The following TTLL1 variants were observed in gnomAD, a reference collection of about 807,000 sequenced individuals.
TTLL1 encodes polyglutamylase complex subunit TTLL1.
Under a neutral mutation model 47.8 loss-of-function variants are expected in TTLL1, and 33 were observed. That is an observed-to-expected ratio of 0.69 (90% CI 0.52 to 0.92). The LOEUF (loss-of-function observed/expected upper bound fraction) is 0.92. Among genes scored for constraint, TTLL1 ranks in the 40% least tolerant of loss-of-function variants. The probability of loss-of-function intolerance (pLI) is 0.00; values close to 1 mark genes in which losing one functional copy is unlikely to be tolerated. For missense variants in TTLL1, 488 were observed against 547.5 expected, an observed-to-expected ratio of 0.89 and a Z score of 1.08; for synonymous variants, 225 against 214.1, an observed-to-expected ratio of 1.05 and a Z score of -0.45.
Position 43,061,039 on chromosome 22 carries a change from C to T in TTLL1, c.748-1512G>A, listed in dbSNP as rs114348076. Among the ~76,000 whole-genome samples the T allele has an allele frequency of 2.4e-3, 358 of 152,006 alleles. 2 individuals are homozygous for T. The highest frequency in any genetic ancestry group is 8.3e-3 in the African/African-American group (346 of 41,500). ...GGTGAAACCTCGTCTCTACTAAAAACCCCAGCCAGGTGTGGTGGCGTGCAC... is the reference window on the plus strand; with the variant it reads ...GGTGAAACCTCGTCTCTACTAAAAATCCCAGCCAGGTGTGGTGGCGTGCAC... On this transcript the variant is annotated intron_variant, in intron 7 of 10. Coordinates refer to ENST00000266254, the MANE Select transcript of TTLL1 (RefSeq NM_012263.5).
intron 10 of TTLL1, 189 bp from the exon 11 acceptor site, chr22:43,040,094 C>G: frequency 1.5e-6 from 1 of 660,224 alleles, no homozygotes; most frequent in South Asian, 1.9e-5. Flanking sequence ...CCAGGTGGCT[C>G]TCGCAGCCCA....
At chr22:43,042,578 C>T (rs1047134983) in intron 10 of TTLL1, among the ~76,000 whole-genome samples, 1 of 152,198 alleles carries the variant, frequency 6.6e-6, no homozygotes, top group Admixed American at 6.5e-5. Context: ...GCCTGGGGCA[C>T]GTGACCTCAT....
chr22:43,064,127 A>C, intron 6 of TTLL1, 63 bp downstream of exon 6: 2 of 1,584,150 alleles, frequency 1.3e-6, no homozygotes, highest in Non-Finnish European at 1.7e-6. Flanking sequence ...AATGGTGCTA[A>C]GAAGAAAGAC....
At chr22:43,070,164 G>A (rs1569438155) in intron 3 of TTLL1, 1 of 1,397,504 alleles carries the variant, frequency 7.2e-7, no homozygotes, top group Non-Finnish European at 9.5e-7. Flanking sequence ...ACAAATAAAA[G>A]ATATACCCTT....
intron 7 of TTLL1, 51 bp downstream of exon 7, chr22:43,063,762 G>A (rs758019439): frequency 1.4e-5 from 22 of 1,571,990 alleles, no homozygotes; most frequent in Admixed American, 6.7e-5. Flanking sequence ...CACCACACCC[G>A]GCCTGAAAGT....
chr22:43,064,822 G>A (rs535675247), intron 5 of TTLL1, among the ~76,000 whole-genome samples: 1 of 152,154 alleles, frequency 6.6e-6, no homozygotes, highest in African/African-American at 2.4e-5. Flanking sequence ...AGGATTTTGA[G>A]GGCAGTGAAA....
rs59420266 is a variant in TTLL1 at position 43,068,818 on chromosome 22, C to T, written c.323-228G>A. Among the ~76,000 whole-genome samples the T allele has an allele frequency of 2.2e-3, 335 of 152,262 alleles. 1 individual carries two copies. Among genetic ancestry groups the T allele is most frequent in the African/African-American group, 7.8e-3 (324 of 41,556 alleles). On this transcript the variant is annotated intron_variant, in intron 4 of 10. Coordinates refer to ENST00000266254, the MANE Select transcript of TTLL1 (RefSeq NM_012263.5). ...ACAAACCTGTATTTTTCAATCCCCACGGCCACCTGGGAGCTACTGTAAACC... is the reference window on the plus strand; with the variant it reads ...ACAAACCTGTATTTTTCAATCCCCATGGCCACCTGGGAGCTACTGTAAACC...
chr22:43,076,977 T>G (rs1928544554), intron 2 of TTLL1, among the ~76,000 whole-genome samples: 1 of 151,470 alleles, frequency 6.6e-6, no homozygotes, highest in Admixed American at 6.6e-5. Context: ...GGCAGGCGCC[T>G]GTAGTCCCAG....
intron 7 of TTLL1, among the ~76,000 whole-genome samples, chr22:43,061,911 G>A (rs985867279): frequency 1.3e-5 from 2 of 152,168 alleles, no homozygotes. Context: ...TCCAACCACT[G>A]GATAAGGGGC....
At chr22:43,071,566 C>T (rs1003896047) in intron 3 of TTLL1, among the ~76,000 whole-genome samples, 19 of 152,092 alleles carry the variant, frequency 1.2e-4, no homozygotes, top group African/African-American at 4.3e-4. Context: ...TGAACCACCA[C>T]ACACCGCTAA....
chr22:43,049,339 C>T (rs1326333730), intron 9 of TTLL1, among the ~76,000 whole-genome samples: 1 of 151,780 alleles, frequency 6.6e-6, no homozygotes, highest in Non-Finnish European at 1.5e-5. Flanking sequence ...GCCTGACCAA[C>T]ATGGAGAAAC....
chr22:43,075,900 C>G lies in TTLL1; in HGVS notation c.-4-310G>C, dbSNP rs146446597. On this transcript the variant is annotated intron_variant, in intron 2 of 10. Transcript: ENST00000266254. ...GTCAACTGTGCCAAGGCTGAGAAACCCTGGTCTGGTGGGAGATAGAGGCAG... is the reference window on the plus strand; with the variant it reads ...GTCAACTGTGCCAAGGCTGAGAAACGCTGGTCTGGTGGGAGATAGAGGCAG... 2.3e-3 allele frequency among the ~76,000 whole-genome samples: 354 copies of G among 152,304 alleles called. 3 individuals are homozygous for G. Among genetic ancestry groups the G allele is most frequent in the Non-Finnish European group, 3.1e-4 (21 of 68,018 alleles).
rs574317335 is a variant in TTLL1 at position 43,052,284 on chromosome 22, C to T, written c.892-397G>A. ...AACTGTCCACCAGGCTGCCCGTTAC[C>T]CCTTCCCAGGCCCTTAGGGATCCGG... On this transcript the variant is annotated intron_variant, in intron 8 of 10. Coordinates refer to ENST00000266254, the MANE Select transcript of TTLL1 (RefSeq NM_012263.5). The T allele has an allele frequency of 1.8e-5, 4 of 226,862 alleles. No individual in the cohort carries two copies. In the South Asian group the frequency reaches 3.2e-4, roughly 18 times the overall value. The allele number at this position is 226,862 out of a possible 1,614,324, so 14.1% of individuals were successfully genotyped here.
In TTLL1 at chr22:43,075,554, G is replaced by T. The variant is rs148475049; in HGVS notation, c.33C>A (p.Ile11=). ...AGTTATTGATCAGCACTGACTTCTC[G>T]ATATCAGTGACCCATTTTACTTTCC... is the stretch of plus-strand genomic sequence containing the variant. The part of the protein sequence containing the change: MAGKVKWVTD[I]EKSVLINNFE... The change falls in exon 3 of 11, where the codon ATC becomes ATA. Residue 11 remains isoleucine, a synonymous_variant. Transcript: ENST00000266254. The T allele has an allele frequency of 1.9e-6, 3 of 1,614,100 alleles. No individual in the cohort carries two copies. The highest frequency in any genetic ancestry group is 2.2e-5 in the East Asian group (1 of 44,874).
chr22:43,077,049 G>T (rs1029426094), intron 2 of TTLL1, among the ~76,000 whole-genome samples: 16 of 151,840 alleles, frequency 1.1e-4, no homozygotes, highest in African/African-American at 3.6e-4. Flanking sequence ...TGCAGTGAGC[G>T]GAGATCGCAC....
At chr22:43,045,260 T>A (rs11090136) in intron 10 of TTLL1, among the ~76,000 whole-genome samples, 16,551 of 152,110 alleles carry the variant, frequency 0.11, 1,651 homozygotes, top group East Asian at 0.3. Context: ...TTGTTCCCAC[T>A]TTCGTCACTA....
intron 10 of TTLL1, 91 bp downstream of exon 10, chr22:43,046,319 A>T (rs1160790876): frequency 2.8e-6 from 4 of 1,451,928 alleles, no homozygotes; most frequent in Non-Finnish European, 3.8e-6. Context: ...AAATAAGGAG[A>T]ATCCACATAT....
At chr22:43,087,297 G>A (rs1328747909) in intron 1 of TTLL1, among the ~76,000 whole-genome samples, 1 of 152,188 alleles carries the variant, frequency 6.6e-6, no homozygotes, top group Non-Finnish European at 1.5e-5. Flanking sequence ...GGCCAAGACA[G>A]GTGGATCACC....
At chr22:43,071,496 G>A (rs1173030504) in intron 3 of TTLL1, among the ~76,000 whole-genome samples, 1 of 152,120 alleles carries the variant, frequency 6.6e-6, no homozygotes, top group Non-Finnish European at 1.5e-5. Context: ...TGCAACCTCT[G>A]CCTCGCAGGT....
Sources: gnomAD v4.1 joint callset for allele counts (sites outside exome capture counted in the v4.1 genomes callset) on GRCh38, gnomAD v4.1.1 for gene constraint, MANE v1.5 for transcripts, NCBI Gene and HGNC (gene_info 2026-07-23, HGNC 2026-07-21) for gene names.